Variants in MBD5 observed in about 807,000 individuals in gnomAD.
MBD5 encodes methyl-CpG-binding domain protein 5.
A neutral mutation model predicts 117.3 loss-of-function variants in MBD5; 13 were observed. That is an observed-to-expected ratio of 0.11 (90% CI 0.07 to 0.18). The LOEUF (loss-of-function observed/expected upper bound fraction) is 0.18. Ranked by LOEUF, MBD5 falls within the 10% of genes least tolerant of loss-of-function variation. MBD5 has a pLI of 1.00. For missense variants in MBD5, 1,879 were observed against 2,093.8 expected (o/e 0.90, Z 2.00); for synonymous variants, 727 against 766.4 (o/e 0.95, Z 0.85).
chr2:148,257,901 G>A (rs1574204157), intron 3 of MBD5, among the ~76,000 whole-genome samples: 2 of 152,256 alleles, frequency 1.3e-5, no homozygotes, highest in South Asian at 2.1e-4. Flanking sequence ...TCAAATCCAC[G>A]TTTGATGATA....
At chr2:148,030,724 A>G (rs1191887376) in intron 1 of MBD5, among the ~76,000 whole-genome samples, 1 of 152,180 alleles carries the variant, frequency 6.6e-6, no homozygotes, top group East Asian at 1.9e-4. Context: ...TATTCATGTA[A>G]TGATTTTTGA....
chr2:148,431,001 G>A (rs1299247878), intron 4 of MBD5, among the ~76,000 whole-genome samples: 1 of 151,952 alleles, frequency 6.6e-6, no homozygotes, highest in Non-Finnish European at 1.5e-5. Flanking sequence ...TTACTGATTG[G>A]AGTACAGTCT....
intron 4 of MBD5, among the ~76,000 whole-genome samples, chr2:148,430,176 T>C (rs1200327795): frequency 1.3e-5 from 2 of 152,172 alleles, no homozygotes; most frequent in Non-Finnish European, 2.9e-5. Flanking sequence ...TTAATGAATT[T>C]AGTGCTTACT....
At chr2:148,033,652 A>G (rs956594543) in intron 1 of MBD5, among the ~76,000 whole-genome samples, 7 of 152,196 alleles carry the variant, frequency 4.6e-5, no homozygotes, top group Non-Finnish European at 1.0e-4. Context: ...AATAAATTGT[A>G]AGAGACAAGG....
At chr2:148,392,834 G>A (rs1704605604) in intron 4 of MBD5, among the ~76,000 whole-genome samples, 1 of 152,110 alleles carries the variant, frequency 6.6e-6, no homozygotes, top group Non-Finnish European at 1.5e-5. Flanking sequence ...TCTTAATACA[G>A]TGAGCTTAGG....
chr2:148,124,546 C>T (rs1402808392), intron 1 of MBD5, among the ~76,000 whole-genome samples: 2 of 152,106 alleles, frequency 1.3e-5, no homozygotes, highest in Non-Finnish European at 2.9e-5. Flanking sequence ...CTACGGAACT[C>T]CAGCCTGGGT....
At chr2:148,322,995 C>G in intron 3 of MBD5, among the ~76,000 whole-genome samples, 1 of 141,956 alleles carries the variant, frequency 7.0e-6, no homozygotes, top group East Asian at 2.1e-4. Context: ...TCCCTCCCCA[C>G]TCCCCCAACC....
At chr2:148,213,133 G>T (rs1387033372) in intron 2 of MBD5, among the ~76,000 whole-genome samples, 1 of 152,164 alleles carries the variant, frequency 6.6e-6, no homozygotes. Context: ...GGCTGGCAAA[G>T]AGTTGTACTC....
intron 4 of MBD5, among the ~76,000 whole-genome samples, chr2:148,375,330 T>C (rs183331692): frequency 4.1e-4 from 62 of 152,232 alleles, no homozygotes; most frequent in African/African-American, 1.2e-3. Flanking sequence ...CTGACTTTGC[T>C]AACAGACATC....
At chr2:148,408,789 A>C (rs1705159677) in intron 4 of MBD5, among the ~76,000 whole-genome samples, 2 of 152,154 alleles carry the variant, frequency 1.3e-5, no homozygotes, top group Non-Finnish European at 2.9e-5. Context: ...AAATATTTGG[A>C]AAAGAAAATT....
chr2:148,452,597 A>G (rs1706761891), intron 4 of MBD5, among the ~76,000 whole-genome samples: 1 of 151,928 alleles, frequency 6.6e-6, no homozygotes. Flanking sequence ...AAAATGAGAA[A>G]AAAAAAAGGT....
intron 1 of MBD5, among the ~76,000 whole-genome samples, chr2:148,132,845 T>G (rs1318541024): frequency 6.6e-6 from 1 of 152,252 alleles, no homozygotes; most frequent in African/African-American, 2.4e-5. Context: ...CACCTGGTTT[T>G]GTAGGCTATA....
chr2:148,385,594 G>A (rs1050943548), intron 4 of MBD5, among the ~76,000 whole-genome samples: 41 of 152,148 alleles, frequency 2.7e-4, no homozygotes, highest in African/African-American at 9.6e-4. Context: ...ATTTGACCCA[G>A]CCATCCCATT....
At chr2:148,197,020 C>T (rs1416927033) in intron 2 of MBD5, among the ~76,000 whole-genome samples, 1 of 152,164 alleles carries the variant, frequency 6.6e-6, no homozygotes, top group African/African-American at 2.4e-5. Context: ...CCAGATCCCA[C>T]ATGCTCTTTA....
chr2:148,083,875 C>G (rs537750509), intron 1 of MBD5, among the ~76,000 whole-genome samples: 59 of 152,274 alleles, frequency 3.9e-4, no homozygotes, highest in African/African-American at 1.4e-3. Context: ...ATCCACCCAC[C>G]TCGGCCTCCC....
intron 3 of MBD5, among the ~76,000 whole-genome samples, chr2:148,338,503 A>G (rs1047907544): frequency 3.3e-5 from 5 of 152,180 alleles, no homozygotes; most frequent in African/African-American, 9.7e-5. Flanking sequence ...TACTACAATA[A>G]AGACCGTATA....
At chr2:148,494,437 T>G (rs747436241) in intron 11 of MBD5, among the ~76,000 whole-genome samples, 3 of 152,212 alleles carry the variant, frequency 2.0e-5, no homozygotes, top group Non-Finnish European at 4.4e-5. Context: ...CAACTCAGAC[T>G]TTCTTCCTCT....
At chr2:148,059,367 C>T (rs897407193) in intron 1 of MBD5, among the ~76,000 whole-genome samples, 1 of 151,950 alleles carries the variant, frequency 6.6e-6, no homozygotes, top group African/African-American at 2.4e-5. Flanking sequence ...ACTGGTAACC[C>T]GTAAAGAATT....
intron 3 of MBD5, among the ~76,000 whole-genome samples, chr2:148,316,535 C>T (rs1048091954): frequency 6.6e-6 from 1 of 151,886 alleles, no homozygotes; most frequent in African/African-American, 2.4e-5. Context: ...ACATTATAAC[C>T]CTTGAAATAG....
Sources: allele counts gnomAD v4.1 joint callset (sites outside exome capture counted in the v4.1 genomes callset), GRCh38; gene constraint gnomAD v4.1.1; transcripts MANE v1.5; gene names NCBI Gene and HGNC (gene_info 2026-07-23, HGNC 2026-07-21).